VPS13B: variants seen among roughly 807,000 people sequenced by gnomAD.
VPS13B encodes vacuolar protein sorting 13 homolog B.
Under a neutral mutation model 426.4 loss-of-function variants are expected in VPS13B, and 285 were observed. The observed-to-expected ratio is 0.67, with a 90% CI of 0.61 to 0.74. The LOEUF is 0.74. Ranked by LOEUF, VPS13B falls within the 30% of genes least tolerant of loss-of-function variation. The pLI, the probability that VPS13B is intolerant of heterozygous loss-of-function variation, is 0.00. For missense variants in VPS13B, 4,537 were observed against 4,782.6 expected (o/e 0.95, Z 1.51); for synonymous variants, 1,676 against 1,676.4 (o/e 1.00, Z 0.01).
At chr8:99,115,352 A>G (rs185105637) in intron 6 of VPS13B, among the ~76,000 whole-genome samples, 160 of 152,166 alleles carry the variant, frequency 1.1e-3, no homozygotes, top group African/African-American at 3.7e-3. Context: ...TGAGGATAAT[A>G]CTGTTATTCT....
At chr8:99,159,999 T>G (rs556330534) in intron 15 of VPS13B, among the ~76,000 whole-genome samples, 2 of 152,212 alleles carry the variant, frequency 1.3e-5, no homozygotes, top group Admixed American at 6.5e-5. Context: ...TTTTTTTTTT[T>G]GACATAATGT....
chr8:99,760,301 C>T (rs1172929839), intron 39 of VPS13B, among the ~76,000 whole-genome samples: 2 of 152,228 alleles, frequency 1.3e-5, no homozygotes, highest in East Asian at 1.9e-4. Context: ...CTTTTTATTC[C>T]GTTGTCTATA....
intron 60 of VPS13B, 41 bp downstream of exon 60, chr8:99,870,928 T>C (rs1374958412): frequency 2.5e-6 from 4 of 1,588,230 alleles, no homozygotes; most frequent in Non-Finnish European, 3.5e-6. Flanking sequence ...ACATCCATAT[T>C]GTATGTTAAT....
At chr8:99,641,032 G>A (rs1330293072) in intron 33 of VPS13B, among the ~76,000 whole-genome samples, 1 of 152,168 alleles carries the variant, frequency 6.6e-6, no homozygotes, top group Non-Finnish European at 1.5e-5. Flanking sequence ...AGGAACTGAT[G>A]TTCTTGGAGC....
rs569059633 is a variant in VPS13B, at chr8:99,212,630, A to G, written c.2515+19573A>G. On this transcript the variant is annotated intron_variant, in intron 17 of 61. Transcript: ENST00000357162. The stretch of plus-strand genomic sequence containing the variant: ...ATCTATCTCTGAACTCTGCATTACC[A>G]TATGATTTAAGCTGATCTAAGGTGG... 1.3e-5 allele frequency among the ~76,000 whole-genome samples: 2 copies of G among 152,092 alleles called. 1 individual carries two copies. The highest frequency in any genetic ancestry group is 4.2e-4 in the South Asian group (2 of 4,816).
rs371506087 is a variant in VPS13B at position 99,760,122 on chromosome 8, G to A, written c.7051-6652G>A. Among the ~76,000 whole-genome samples the A allele has an allele frequency of 1.3e-3, 198 of 151,662 alleles. 3 individuals carry two copies. The South Asian group carries it at 0.031, about 24-fold the overall frequency. On this transcript the variant is annotated intron_variant, in intron 39 of 61. Transcript: ENST00000357162. Reference sequence around the variant, plus strand: ...CTCCCAAGTAGGTGGGATTATAGGCGCCCACCACCACACCTGGCTATTTTT... The same window carrying A: ...CTCCCAAGTAGGTGGGATTATAGGCACCCACCACCACACCTGGCTATTTTT...
At chr8:99,014,091 ATT>A (rs927090818) in intron 2 of VPS13B, among the ~76,000 whole-genome samples, 156 bp downstream of exon 2, 1 of 81,426 alleles carries the variant, frequency 1.2e-5, no homozygotes, top group Admixed American at 1.1e-4. Flanking sequence ...ATTTTACACT[ATT>A]TTCTTTTTCT....
chr8:99,072,477 C>T (rs999418396), intron 3 of VPS13B, among the ~76,000 whole-genome samples: 8 of 152,106 alleles, frequency 5.3e-5, no homozygotes, highest in Non-Finnish European at 1.0e-4. Flanking sequence ...CTTTAGTTTT[C>T]CCTCTCCTCT....
chr8:99,868,136 C>A, intron 58 of VPS13B, 153 bp from the exon 59 acceptor site: 2 of 873,926 alleles, frequency 2.3e-6, no homozygotes, highest in Non-Finnish European at 3.6e-6. Context: ...CCTTGGTGTA[C>A]TTAGATAACT....
intron 17 of VPS13B, among the ~76,000 whole-genome samples, chr8:99,211,606 G>A (rs999570048): frequency 7.2e-5 from 11 of 151,940 alleles, no homozygotes; most frequent in Non-Finnish European, 7.4e-5. Flanking sequence ...TGGAAACCCC[G>A]TTTCTACTAA....
chr8:99,710,093 T>C (rs1472748366), intron 36 of VPS13B, among the ~76,000 whole-genome samples: 1 of 152,212 alleles, frequency 6.6e-6, no homozygotes, highest in Non-Finnish European at 1.5e-5. Context: ...AAATTTTGTC[T>C]TTACTGTTTT....
At chr8:99,038,655 C>G in intron 3 of VPS13B, 89 bp downstream of exon 3, 1 of 586,044 alleles carries the variant, frequency 1.7e-6, no homozygotes, top group Non-Finnish European at 3.1e-6. Context: ...CCAACTGTTA[C>G]ATAAACATAT....
intron 33 of VPS13B, among the ~76,000 whole-genome samples, chr8:99,611,593 G>A (rs1194948895): frequency 6.6e-6 from 1 of 151,888 alleles, no homozygotes; most frequent in Non-Finnish European, 1.5e-5. Flanking sequence ...TTTGGATGTG[G>A]CAATCATTGA....
chr8:99,612,310 A>T (rs888480269), intron 33 of VPS13B, among the ~76,000 whole-genome samples: 5 of 152,172 alleles, frequency 3.3e-5, no homozygotes, highest in African/African-American at 1.2e-4. Context: ...GTGTTGTGAG[A>T]ATAAAAAAGA....
intron 2 of VPS13B, among the ~76,000 whole-genome samples, chr8:99,031,873 C>T (rs891346944): frequency 2.6e-5 from 4 of 152,238 alleles, no homozygotes; most frequent in African/African-American, 9.6e-5. Flanking sequence ...GCAGAATGCA[C>T]TCCAGCAGTT....
chr8:99,117,266 T>G (rs1162635698), intron 7 of VPS13B, among the ~76,000 whole-genome samples: 1 of 151,944 alleles, frequency 6.6e-6, no homozygotes, highest in African/African-American at 2.4e-5. Flanking sequence ...AGGTACTAGA[T>G]GACTATAATA....
At chr8:99,234,216 C>CT in intron 17 of VPS13B, 1 of 776,284 alleles carries the variant, frequency 1.3e-6, no homozygotes, top group Non-Finnish European at 2.4e-6. Flanking sequence ...CTGATGCCCG[C>CT]TTAGCTCCTC....
chr8:99,514,568 CATA>C (rs1821959605), intron 29 of VPS13B, among the ~76,000 whole-genome samples: 1 of 152,170 alleles, frequency 6.6e-6, no homozygotes, highest in South Asian at 2.1e-4. Context: ...CTTTACTTAG[CATA>C]ATGTTTTCAA....
intron 34 of VPS13B, among the ~76,000 whole-genome samples, chr8:99,644,481 G>A (rs1829496715): frequency 6.6e-6 from 1 of 152,030 alleles, no homozygotes; most frequent in African/African-American, 2.4e-5. Context: ...GTTTAAAGCG[G>A]GGAAAAAACC....
Sources: allele counts gnomAD v4.1 joint callset (sites outside exome capture counted in the v4.1 genomes callset), GRCh38; gene constraint gnomAD v4.1.1; transcripts MANE v1.5; gene names NCBI Gene and HGNC (gene_info 2026-07-23, HGNC 2026-07-21).